Variants in ADAM12 observed in about 807,000 individuals in gnomAD.
ADAM12 encodes ADAM metallopeptidase domain 12.
A neutral mutation model predicts 106.4 loss-of-function variants in ADAM12; 70 were observed. That is an observed-to-expected ratio of 0.66 (90% CI 0.54 to 0.80). The LOEUF is 0.80. Ranked by LOEUF, ADAM12 falls within the 30% of genes least tolerant of loss-of-function variation. ADAM12 has a pLI of 0.00. For missense variants in ADAM12, 1,010 were observed against 1,171.9 expected (o/e 0.86, Z 2.02); for synonymous variants, 420 against 433.5 (o/e 0.97, Z 0.39).
chr10:126,325,624 C>G (rs957980480), intron 2 of ADAM12, among the ~76,000 whole-genome samples: 4 of 152,184 alleles, frequency 2.6e-5, no homozygotes, highest in African/African-American at 9.7e-5. Context: ...TAACTTCATT[C>G]TCACTCAAGG....
intron 3 of ADAM12, among the ~76,000 whole-genome samples, chr10:126,226,349 G>C (rs963007874): frequency 6.6e-6 from 1 of 152,230 alleles, no homozygotes; most frequent in Non-Finnish European, 1.5e-5. Flanking sequence ...CATGGGCGTG[G>C]CTGGTGGGCA....
intron 3 of ADAM12, among the ~76,000 whole-genome samples, chr10:126,276,240 A>G (rs1437577275): frequency 1.3e-5 from 2 of 152,138 alleles, no homozygotes; most frequent in African/African-American, 2.4e-5. Flanking sequence ...ATCCTGATTG[A>G]TCAGGCCCTT....
intron 3 of ADAM12, among the ~76,000 whole-genome samples, chr10:126,250,327 A>G (rs1304379246): frequency 6.6e-6 from 1 of 152,224 alleles, no homozygotes; most frequent in African/African-American, 2.4e-5. Flanking sequence ...TCTCTAAGAT[A>G]AACCACTGGG....
At chr10:126,223,191 A>T (rs1958128384) in intron 3 of ADAM12, among the ~76,000 whole-genome samples, 1 of 152,228 alleles carries the variant, frequency 6.6e-6, no homozygotes, top group Non-Finnish European at 1.5e-5. Context: ...TAATAAGCAC[A>T]ATTCTAAATA....
intron 2 of ADAM12, among the ~76,000 whole-genome samples, chr10:126,293,906 GCTCTT>G (rs1376476188): frequency 2.0e-5 from 3 of 152,092 alleles, no homozygotes; most frequent in African/African-American, 4.8e-5. Context: ...TCCAATCTCT[GCTCTT>G]CTAACTATAC....
chr10:126,135,436 C>T (rs1956386737), intron 5 of ADAM12, 148 bp downstream of exon 5: 2 of 705,608 alleles, frequency 2.8e-6, no homozygotes, highest in East Asian at 5.4e-5. Context: ...GGAGAGAGGG[C>T]CTCCGTGTTC....
At chr10:126,157,537 T>C (rs903527957) in intron 3 of ADAM12, among the ~76,000 whole-genome samples, 5 of 152,248 alleles carry the variant, frequency 3.3e-5, no homozygotes, top group East Asian at 1.9e-4. Flanking sequence ...AGGATATGCC[T>C]GGCTTAAATC....
intron 18 of ADAM12, chr10:126,041,642 A>G (rs1214606705): frequency 1.0e-6 from 1 of 987,790 alleles, no homozygotes; most frequent in African/African-American, 1.7e-5. Flanking sequence ...AAAAACTAAA[A>G]CCCTGCTATT....
At chr10:126,240,331 C>T (rs1958498253) in intron 3 of ADAM12, among the ~76,000 whole-genome samples, 1 of 152,238 alleles carries the variant, frequency 6.6e-6, no homozygotes, top group Non-Finnish European at 1.5e-5. Flanking sequence ...GCATCAGCCC[C>T]TAAGAGCGTG....
intron 1 of ADAM12, among the ~76,000 whole-genome samples, chr10:126,336,973 C>T (rs1016304793): frequency 2.6e-5 from 4 of 152,174 alleles, no homozygotes; most frequent in Non-Finnish European, 1.5e-5. Context: ...ACAACATCCG[C>T]CACAGAGGGC....
chr10:126,136,126 G>T (rs907710146), intron 4 of ADAM12, among the ~76,000 whole-genome samples: 2 of 152,204 alleles, frequency 1.3e-5, no homozygotes, highest in Non-Finnish European at 2.9e-5. Context: ...GGGTGAAGAA[G>T]GAAGGAGGGG....
At chr10:126,144,149 C>T (rs1446587636) in intron 4 of ADAM12, among the ~76,000 whole-genome samples, 1 of 152,196 alleles carries the variant, frequency 6.6e-6, no homozygotes, top group Non-Finnish European at 1.5e-5. Flanking sequence ...AGAACAAACG[C>T]TTACAAAATC....
intron 1 of ADAM12, among the ~76,000 whole-genome samples, chr10:126,348,689 C>T (rs887722955): frequency 3.9e-5 from 6 of 152,184 alleles, no homozygotes; most frequent in Non-Finnish European, 7.3e-5. Flanking sequence ...GACTTGCAAA[C>T]TCACAGAGCC....
At chr10:126,230,626 A>T (rs1001509731) in intron 3 of ADAM12, among the ~76,000 whole-genome samples, 3 of 152,208 alleles carry the variant, frequency 2.0e-5, no homozygotes, top group African/African-American at 7.2e-5. Context: ...TTGAATTTTC[A>T]TTTAAGTATA....
chr10:126,070,454 G>C (rs1330609194), intron 12 of ADAM12: 1 of 152,212 alleles, frequency 6.6e-6, no homozygotes, highest in Admixed American at 6.5e-5. Flanking sequence ...AAACCTCAGA[G>C]ACTTGAAGAT....
In ADAM12 at chr10:126,306,648, T is replaced by C. The variant is rs575871021; in HGVS notation, c.186+23764A>G. Among the ~76,000 whole-genome samples, 13 of 152,346 alleles carry C rather than the reference T, an allele frequency of 8.5e-5. No homozygotes were observed. The East Asian group carries it at 1.2e-3, about 14-fold the overall frequency. The stretch of plus-strand genomic sequence containing the variant: ...TAAGAGAATTTTCTCCCAGTTTGAA[T>C]TCTGCATTGGCAGTTTTTCTTACAT... On this transcript the variant is annotated intron_variant, in intron 2 of 22. Transcript: ENST00000448723.
At chr10:126,323,768 A>G (rs1854193705) in intron 2 of ADAM12, among the ~76,000 whole-genome samples, 1 of 152,198 alleles carries the variant, frequency 6.6e-6, no homozygotes, top group Admixed American at 6.5e-5. Flanking sequence ...TAAGGCCAGT[A>G]TAGAAGGTAG....
intron 3 of ADAM12, among the ~76,000 whole-genome samples, chr10:126,158,617 C>T (rs1956870583): frequency 1.6e-5 from 1 of 61,492 alleles, no homozygotes; most frequent in Non-Finnish European, 3.4e-5. Context: ...GGGGAGGATG[C>T]AGAGAGCATG....
intron 1 of ADAM12, among the ~76,000 whole-genome samples, chr10:126,356,723 G>T (rs1023819124): frequency 2.4e-4 from 36 of 152,190 alleles, no homozygotes; most frequent in Admixed American, 1.9e-3. Context: ...TGATACTACA[G>T]ATTAAAAATC....
Sources: gnomAD v4.1 joint callset for allele counts (sites outside exome capture counted in the v4.1 genomes callset) on GRCh38, gnomAD v4.1.1 for gene constraint, MANE v1.5 for transcripts, NCBI Gene and HGNC (gene_info 2026-07-23, HGNC 2026-07-21) for gene names.